The following SCAF8 variants were observed in gnomAD, a reference collection of about 807,000 sequenced individuals.
The protein encoded by SCAF8 is SR-related CTD associated factor 8, also known as SR-related and CTD-associated factor 8.
Under a neutral mutation model 140.5 loss-of-function variants are expected in SCAF8, and 23 were observed. The ratio of observed to expected loss-of-function variants is 0.16; its 90% CI spans 0.12 to 0.23. SCAF8 has a LOEUF of 0.23. Among genes scored for constraint, SCAF8 ranks in the 10% least tolerant of loss-of-function variants. The pLI, the probability that SCAF8 is intolerant of heterozygous loss-of-function variation, is 1.00. For missense variants in SCAF8, 1,397 were observed against 1,555.7 expected, an observed-to-expected ratio of 0.90 and a Z score of 1.72; for synonymous variants, 575 against 528.9, an observed-to-expected ratio of 1.09 and a Z score of -1.20.
intron 11 of SCAF8, among the ~76,000 whole-genome samples, chr6:154,809,412 G>A (rs1049553582): frequency 6.6e-6 from 1 of 152,084 alleles, no homozygotes; most frequent in Non-Finnish European, 1.5e-5. Context: ...TATTGCAAAT[G>A]AGAGCCTGTC....
In SCAF8 at chr6:154,733,933, T is replaced by C; in HGVS notation, c.30+3T>C. ...CCGTGAAGACCTTCAATAGCGAGGT[T>C]GGTATGGCAGCCGGGTTCCCCTGCT... On this transcript the variant is annotated splice_donor_region_variant and intron_variant, in intron 1 of 19. Transcript: ENST00000367178. 1 of 1,531,664 alleles carries C rather than the reference T, an allele frequency of 6.5e-7. No homozygotes were observed. The highest frequency in any genetic ancestry group is 8.7e-7 in the Non-Finnish European group (1 of 1,146,012). The allele number at this position is 1,531,664 out of a possible 1,614,324, so 94.9% of individuals were successfully genotyped here. A position where few individuals can be genotyped will look rare whatever the true frequency, so the allele number is the denominator to read the frequency against.
chr6:154,830,783 T>C (rs775574952), intron 18 of SCAF8, 139 bp from the exon 19 acceptor site: 14 of 540,776 alleles, frequency 2.6e-5, no homozygotes, highest in Non-Finnish European at 4.2e-5. Flanking sequence ...TGACTCCTTT[T>C]GTCATTTGAG....
chr6:154,787,839 T>A lies in SCAF8; in HGVS notation c.160-22T>A, dbSNP rs201218132. On this transcript the variant is annotated intron_variant, in intron 3 of 19. Coordinates refer to ENST00000367178, the MANE Select transcript of SCAF8 (RefSeq NM_014892.5). ...TTTACCTTTCCGTTTCCTTTCCTTT[T>A]CATTCTTCTTTTTTTCATCAGTGTA... 2 of 1,578,186 alleles carry A rather than the reference T, an allele frequency of 1.3e-6. 1 individual carries two copies. The highest frequency in any genetic ancestry group is 3.8e-5 in the Admixed American group (2 of 53,314).
At chr6:154,765,474 C>A (rs1468239707) in intron 1 of SCAF8, among the ~76,000 whole-genome samples, 1 of 152,092 alleles carries the variant, frequency 6.6e-6, no homozygotes, top group Non-Finnish European at 1.5e-5. Flanking sequence ...AAATTAAACA[C>A]AATAGAAAAC....
chr6:154,808,886 C>T, intron 11 of SCAF8, 88 bp downstream of exon 11: 1 of 836,058 alleles, frequency 1.2e-6, no homozygotes, highest in South Asian at 1.7e-5. Flanking sequence ...GAAATGTTTC[C>T]TTGGGATGAC....
chr6:154,733,731 C>T lies in SCAF8; in HGVS notation c.-170C>T, dbSNP rs1416919992. The T allele has an allele frequency of 1.1e-5, 15 of 1,327,998 alleles. No homozygotes were observed. Among genetic ancestry groups the T allele is most frequent in the East Asian group, 3.1e-5 (1 of 31,926 alleles). The allele number at this position is 1,327,998 out of a possible 1,614,324, so 82.3% of individuals were successfully genotyped here. On this transcript the variant is annotated 5_prime_UTR_variant, in exon 1 of 20. Transcript: ENST00000367178. ...GTGCCGCTCTGCCGCTGAGGGAGCC[C>T]TTCCCCGCCAGCGCGTGCCCTTCCA...
In SCAF8 at chr6:154,733,712, C is replaced by T. The variant is rs13191266; in HGVS notation, c.-189C>T. 3.0e-6 allele frequency: 4 copies of T among 1,318,390 alleles called. No homozygotes were observed. Among genetic ancestry groups the T allele is most frequent in the Non-Finnish European group, 3.9e-6 (4 of 1,037,548 alleles). 81.7% of individuals were successfully genotyped at this position (1,318,390 alleles called of 1,614,324 possible). ...CGCCCTAGCGGCCATGCCGGTGCCG[C>T]TCTGCCGCTGAGGGAGCCCTTCCCC... On this transcript the variant is annotated 5_prime_UTR_variant, in exon 1 of 20. Transcript: ENST00000367178.
chr6:154,771,936 G>A (rs1290396032), intron 1 of SCAF8, among the ~76,000 whole-genome samples: 1 of 152,174 alleles, frequency 6.6e-6, no homozygotes, highest in African/African-American at 2.4e-5. Context: ...AGAACATACC[G>A]CATGTATTTA....
At position 154,832,116 on chromosome 6, in the gene SCAF8, C is replaced by G; in HGVS notation, c.2537C>G (p.Pro846Arg). 3.1e-6 allele frequency: 5 copies of G among 1,614,042 alleles called. No individual in the cohort carries two copies. The East Asian group carries it at 8.9e-5, about 29-fold the overall frequency. The change falls in exon 20 of 20, where the codon CCA (proline) becomes CGA (arginine). Residue 846 changes from proline (P) to arginine (R), a missense_variant. Pro to Arg is a moderately radical substitution (Grantham distance 103). Coordinates refer to ENST00000367178, the MANE Select transcript of SCAF8 (RefSeq NM_014892.5). The stretch of plus-strand genomic sequence containing the variant: ...TCTGGGATTATTGCAGCCCAACCAC[C>G]AAATATTCTAAATAACTCTGGAATA... ...SSSGIIAAQP[P>R]NILNNSGILG...
At chr6:154,821,231 G>A (rs61635499) in intron 15 of SCAF8, among the ~76,000 whole-genome samples, 7,654 of 152,176 alleles carry the variant, frequency 0.05, 540 homozygotes, top group African/African-American at 0.16. Flanking sequence ...AATACCCATG[G>A]TCCAAATCCT....
At chr6:154,790,173 T>C (rs1777372673) in intron 4 of SCAF8, among the ~76,000 whole-genome samples, 1 of 152,140 alleles carries the variant, frequency 6.6e-6, no homozygotes, top group Admixed American at 6.5e-5. Flanking sequence ...TATGGAATGA[T>C]AGTTGTTAGG....
intron 18 of SCAF8, among the ~76,000 whole-genome samples, chr6:154,828,487 G>C (rs1339950891): frequency 6.6e-6 from 1 of 151,390 alleles, no homozygotes; most frequent in Non-Finnish European, 1.5e-5. Context: ...AGTATTTATG[G>C]ATTAATGGAT....
Position 154,833,420 on chromosome 6 carries a change from C to G in SCAF8, c.*25C>G. ...ATCATCACTCAGTAGGTAAAAGATA[C>G]CTTTTGTAAAGTTGTCATCTCTCTG... On this transcript the variant is annotated 3_prime_UTR_variant, in exon 20 of 20. Transcript: ENST00000367178. 3 of 1,593,148 alleles carry G rather than the reference C, an allele frequency of 1.9e-6. No homozygotes were observed. Among genetic ancestry groups the G allele is most frequent in the African/African-American group, 1.3e-5 (1 of 74,168 alleles).
At chr6:154,813,399 A>G (rs1778153171) in intron 12 of SCAF8, among the ~76,000 whole-genome samples, 1 of 152,148 alleles carries the variant, frequency 6.6e-6, no homozygotes, top group Non-Finnish European at 1.5e-5. Flanking sequence ...TGGTGTGCCT[A>G]TAGTTTCAGC....
rs970503942 is a variant in SCAF8, at chr6:154,733,446, G to A, written c.-455G>A. ...GGATGCCGCAGCCGCTGCTGCCAGC[G>A]CTTCCTCCTCTGTCTTCGCCGAGCG... is the stretch of plus-strand genomic sequence containing the variant. On this transcript the variant is annotated 5_prime_UTR_variant, in exon 1 of 20. Transcript: ENST00000367178. 21 of 1,392,552 alleles carry A rather than the reference G, an allele frequency of 1.5e-5. No homozygotes were observed. In the African/African-American group the frequency reaches 1.8e-4, roughly 12 times the overall value. The allele number at this position is 1,392,552 out of a possible 1,614,324, so 86.3% of individuals were successfully genotyped here.
At chr6:154,749,819 G>A (rs1778795182) in intron 1 of SCAF8, among the ~76,000 whole-genome samples, 1 of 152,136 alleles carries the variant, frequency 6.6e-6, no homozygotes, top group Admixed American at 6.5e-5. Flanking sequence ...TTTTAAATTT[G>A]TTTTAGAAAA....
chr6:154,751,184 G>A (rs1778827811), intron 1 of SCAF8, among the ~76,000 whole-genome samples: 1 of 152,014 alleles, frequency 6.6e-6, no homozygotes. Context: ...TTCTGTAACT[G>A]GGTTCCCTGT....
intron 1 of SCAF8, among the ~76,000 whole-genome samples, chr6:154,746,592 T>A (rs1363842899): frequency 6.6e-6 from 1 of 152,210 alleles, no homozygotes; most frequent in East Asian, 1.9e-4. Context: ...TATATTTACT[T>A]ATTATTTGTT....
intron 2 of SCAF8, 31 bp downstream of exon 2, chr6:154,774,103 A>C: frequency 7.2e-7 from 1 of 1,390,600 alleles, no homozygotes; most frequent in Non-Finnish European, 1.0e-6. Context: ...TTCTATTTTC[A>C]AAAGAAAAAA....
Sources: allele counts gnomAD v4.1 joint callset (sites outside exome capture counted in the v4.1 genomes callset), GRCh38; gene constraint gnomAD v4.1.1; transcripts MANE v1.5; gene names NCBI Gene and HGNC (gene_info 2026-07-23, HGNC 2026-07-21).